The following DDIT3 variants were observed in gnomAD, a reference collection of about 807,000 sequenced individuals.
DDIT3 encodes the protein DNA damage inducible transcript 3, also known as DNA damage-inducible transcript 3 protein.
A neutral mutation model predicts 17.6 loss-of-function variants in DDIT3; 14 were observed. The observed-to-expected ratio is 0.80, with a 90% CI of 0.53 to 1.25. DDIT3 has a LOEUF of 1.25. DDIT3 is among the 50% of genes most tolerant of loss of function. The pLI is 0.00. For missense variants in DDIT3, 216 were observed against 202.7 expected, an observed-to-expected ratio of 1.07 and a Z score of -0.40; for synonymous variants, 93 against 76.5, an observed-to-expected ratio of 1.22 and a Z score of -1.13.
At chr12:57,517,916 T>G (rs1006568220) in intron 1 of DDIT3, among the ~76,000 whole-genome samples, 163 bp from the exon 2 acceptor site, 2 of 151,702 alleles carry the variant, frequency 1.3e-5, no homozygotes, top group South Asian at 2.1e-4. Context: ...AACCTCTGCC[T>G]CCTCGGTTCA....
chr12:57,519,251 AT>A (rs559525381), intron 1 of DDIT3: 210 of 530,178 alleles, frequency 4.0e-4, no homozygotes, highest in Non-Finnish European at 7.6e-4. Flanking sequence ...GAGTGGAGGA[AT>A]TACCTAAGGT....
intron 1 of DDIT3, among the ~76,000 whole-genome samples, chr12:57,519,800 C>CT (rs1261382723): frequency 6.6e-6 from 1 of 152,216 alleles, no homozygotes; most frequent in Non-Finnish European, 1.5e-5. Flanking sequence ...GCCTCCTACA[C>CT]TTAAGAGATC....
At chr12:57,520,096 G>A (rs1434982210) in intron 1 of DDIT3, among the ~76,000 whole-genome samples, 1 of 152,222 alleles carries the variant, frequency 6.6e-6, no homozygotes, top group Non-Finnish European at 1.5e-5. Flanking sequence ...GTGTCCTGCT[G>A]ACCTGCCTCC....
intron 1 of DDIT3, among the ~76,000 whole-genome samples, chr12:57,518,221 G>T (rs1878026206): frequency 6.6e-6 from 1 of 151,744 alleles, no homozygotes; most frequent in Non-Finnish European, 1.5e-5. Context: ...GGCAGAAGAG[G>T]GCCTGACTTT....
At chr12:57,519,224 A>G (rs1393316599) in intron 1 of DDIT3, 4 of 532,890 alleles carry the variant, frequency 7.5e-6, no homozygotes. Context: ...ATGTCATGGA[A>G]GTCACTGAAG....
Position 57,517,311 on chromosome 12 carries a change from A to T in DDIT3, c.96T>A (p.Asp32Glu). 2 of 1,614,156 alleles carry T rather than the reference A, an allele frequency of 1.2e-6. No homozygotes were observed. The highest frequency in any genetic ancestry group is 1.7e-6 in the Non-Finnish European group (2 of 1,180,030). The change falls in exon 3 of 4, where the codon GAT becomes GAA. Residue 32 changes from aspartate (D) to glutamate (E), a missense_variant. Asp to Glu is a conservative substitution (Grantham distance 45, BLOSUM62 2). Coordinates refer to ENST00000346473, the MANE Select transcript of DDIT3 (RefSeq NM_004083.6). ...YEDLQEVLSS[D>E]ENGGTYVSPP... Reference sequence around the variant, plus strand: ...GTGAAACATAGGTACCCCCATTTTCATCTGAAGACAGGACCTCTTGCAGGT... The same window carrying T: ...GTGAAACATAGGTACCCCCATTTTCTTCTGAAGACAGGACCTCTTGCAGGT...
rs1877917245 is a variant in DDIT3 at position 57,517,109 on chromosome 12, T to C, written c.210A>G (p.Pro70=). ...LAWLTEEEPE[P]AEVTSTSQSP... is the part of the protein sequence containing the mutation. ...TCTGGGAGGTGCTTGTGACCTCTGC[T>C]GGTTCTGGCTCCTCCTCAGTCAGCC... Residue 70 remains proline, a synonymous_variant, in exon 4 of 4, where the codon CCA becomes CCG. Transcript: ENST00000346473. The C allele has an allele frequency of 1.2e-6, 2 of 1,613,864 alleles. No individual in the cohort carries two copies. Among genetic ancestry groups the C allele is most frequent in the African/African-American group, 2.7e-5 (2 of 75,028 alleles).
chr12:57,516,817 G>A lies in DDIT3; in HGVS notation c.502C>T (p.Gln168Ter). The change falls in exon 4 of 4, where the codon CAA (glutamine) becomes TAA (stop). Residue 168 changes from glutamine to a stop codon, truncating the protein, a stop_gained. Coordinates refer to ENST00000346473, the MANE Select transcript of DDIT3 (RefSeq NM_004083.6). LOFTEE classifies it high-confidence loss of function. ...ALIDRMVNLHQA is the reference protein window; with the variant it reads ...ALIDRMVNLH ...CTGATGCTCCCAATTGTTCATGCTT[G>A]GTGCAGATTCACCATTCGGTCAATC... 6.2e-7 allele frequency: 1 copy of A among 1,610,302 alleles called. No individual in the cohort carries two copies. Among genetic ancestry groups the A allele is most frequent in the Non-Finnish European group, 8.5e-7 (1 of 1,179,774 alleles).
intron 1 of DDIT3, among the ~76,000 whole-genome samples, chr12:57,518,070 C>G (rs1878011232): frequency 6.6e-6 from 1 of 152,052 alleles, no homozygotes; most frequent in South Asian, 2.1e-4. Flanking sequence ...TGTGATCCAT[C>G]GCTTCCCAAA....
rs1877915420 is a variant in DDIT3, at chr12:57,517,087, G to C, written c.232C>G (p.Gln78Glu). ...PEPAEVTSTS[Q>E]SPHSPDSSQS... is the part of the protein sequence containing the mutation. ...CTGGAATCTGGAGAGTGAGGGCTCT[G>C]GGAGGTGCTTGTGACCTCTGCTGGT... The change falls in exon 4 of 4, where the codon CAG (glutamine) becomes GAG (glutamate). Residue 78 changes from glutamine to glutamate, a missense_variant. Physicochemically the swap from Gln to Glu is conservative, Grantham distance 29. Transcript: ENST00000346473. 5.6e-6 allele frequency: 9 copies of C among 1,614,196 alleles called. No homozygotes were observed. The highest frequency in any genetic ancestry group is 7.6e-6 in the Non-Finnish European group (9 of 1,180,022).
At chr12:57,518,142 T>G (rs1295213724) in intron 1 of DDIT3, among the ~76,000 whole-genome samples, 1 of 151,944 alleles carries the variant, frequency 6.6e-6, no homozygotes, top group African/African-American at 2.4e-5. Context: ...ACCTCCAGCC[T>G]CCTACTGGTC....
chr12:57,520,335 A>C, intron 1 of DDIT3, 83 bp downstream of exon 1: 1 of 398,178 alleles, frequency 2.5e-6, no homozygotes, highest in Non-Finnish European at 4.4e-6. Flanking sequence ...TTCACTGTGG[A>C]GGAGTGAGGC....
Position 57,516,654 on chromosome 12 carries a change from A to G in DDIT3, c.*155T>C. The G allele has an allele frequency of 6.6e-7, 1 of 1,524,992 alleles. No individual in the cohort carries two copies. 94.5% of individuals were successfully genotyped at this position (1,524,992 alleles called of 1,614,324 possible). A position where few individuals can be genotyped will look rare whatever the true frequency, so the allele number is the denominator to read the frequency against. On this transcript the variant is annotated 3_prime_UTR_variant, in exon 4 of 4. Transcript: ENST00000346473. ...AAATAAATGTACAATCTCTATATAC[A>G]AGCTGAGACCTTTCCTTTTGTCTAC... is the stretch of plus-strand genomic sequence containing the variant.
chr12:57,518,232 C>CT (rs1878028204), intron 1 of DDIT3, among the ~76,000 whole-genome samples: 1 of 146,334 alleles, frequency 6.8e-6, no homozygotes, highest in African/African-American at 2.8e-5. Flanking sequence ...GCCTGACTTT[C>CT]TTTATTTTTA....
rs907116066 is a variant in DDIT3 at position 57,517,083 on chromosome 12, C to T, written c.236G>A (p.Ser79Asn). ...CTGACTGGAATCTGGAGAGTGAGGG[C>T]TCTGGGAGGTGCTTGTGACCTCTGC... ...EPAEVTSTSQ[S>N]PHSPDSSQSS... Residue 79 changes from serine to asparagine, a missense_variant, in exon 4 of 4, where the codon AGC becomes AAC. Coordinates refer to ENST00000346473, the MANE Select transcript of DDIT3 (RefSeq NM_004083.6). 3 of 1,614,008 alleles carry T rather than the reference C, an allele frequency of 1.9e-6. No individual in the cohort carries two copies. The highest frequency in any genetic ancestry group is 1.7e-5 in the Admixed American group (1 of 59,984).
chr12:57,517,313 C>G lies in DDIT3; in HGVS notation c.94G>C (p.Asp32His). The G allele has an allele frequency of 6.2e-7, 1 of 1,614,180 alleles. No homozygotes were observed. Among genetic ancestry groups the G allele is most frequent in the Non-Finnish European group, 8.5e-7 (1 of 1,180,046 alleles). ...YEDLQEVLSS[D>H]ENGGTYVSPP... ...GAAACATAGGTACCCCCATTTTCAT[C>G]TGAAGACAGGACCTCTTGCAGGTCC... Residue 32 changes from aspartate (D) to histidine (H), a missense_variant, in exon 3 of 4, where the codon GAT becomes CAT. By Grantham distance (81) the Asp-to-His change is moderately conservative. Transcript: ENST00000346473.
At chr12:57,517,522 G>A (rs1487826018) in intron 2 of DDIT3, 84 bp from the exon 3 acceptor site, 4 of 1,426,406 alleles carry the variant, frequency 2.8e-6, no homozygotes, top group Non-Finnish European at 3.9e-6. Context: ...TCTGATGCCT[G>A]TTTTTGTAGG....
At chr12:57,518,206 C>T (rs1024167222) in intron 1 of DDIT3, among the ~76,000 whole-genome samples, 4 of 152,034 alleles carry the variant, frequency 2.6e-5, no homozygotes, top group Admixed American at 6.6e-5. Context: ...GTAGCCATTT[C>T]GAAGGGCAGA....
chr12:57,517,463 G>C lies in DDIT3; in HGVS notation c.-32-25C>G, dbSNP rs28382852. 3.3e-3 allele frequency: 5,290 copies of C among 1,599,998 alleles called. 156 individuals carry two copies. In the African/African-American group the frequency reaches 0.063, roughly 19 times the overall value. On this transcript the variant is annotated intron_variant, in intron 2 of 3. Transcript: ENST00000346473. Reference sequence around the variant, plus strand: ...TCTGCAGGATAATGGGGAGTGGCTGGAACAAGCTCCATGTAGCAAACAGTC... The same window carrying C: ...TCTGCAGGATAATGGGGAGTGGCTGCAACAAGCTCCATGTAGCAAACAGTC...
Sources: allele counts gnomAD v4.1 joint callset (sites outside exome capture counted in the v4.1 genomes callset), GRCh38; gene constraint gnomAD v4.1.1; transcripts MANE v1.5; gene names NCBI Gene and HGNC (gene_info 2026-07-23, HGNC 2026-07-21).